Variants in SYCP1 observed in about 807,000 individuals in gnomAD.
The protein encoded by SYCP1 is synaptonemal complex protein 1.
A neutral mutation model predicts 153.1 loss-of-function variants in SYCP1; 64 were observed. The observed-to-expected ratio is 0.42, with a 90% confidence interval of 0.34 to 0.51. The LOEUF (loss-of-function observed/expected upper bound fraction) is 0.51, where lower values mean the gene tolerates loss of function less well. Among genes scored for constraint, SYCP1 ranks in the 20% least tolerant of loss-of-function variants. The probability of loss-of-function intolerance (pLI) is 0.06; values close to 1 mark genes in which losing one functional copy is unlikely to be tolerated. For missense variants in SYCP1, 997 were observed against 1,049.0 expected (o/e 0.95, Z 0.68); for synonymous variants, 384 against 341.8 (o/e 1.12, Z -1.36).
chr1:114,969,275 C>A (rs1672328884), intron 27 of SYCP1, among the ~76,000 whole-genome samples: 1 of 152,116 alleles, frequency 6.6e-6, no homozygotes, highest in Non-Finnish European at 1.5e-5. Flanking sequence ...TGAAGCTGCA[C>A]CCACAGGTGC....
chr1:114,866,541 T>C (rs761167859), intron 8 of SYCP1, among the ~76,000 whole-genome samples: 1 of 152,184 alleles, frequency 6.6e-6, no homozygotes, highest in Non-Finnish European at 1.5e-5. Flanking sequence ...TGTTTTCTTA[T>C]TGTTGAGTTT....
In SYCP1 at chr1:114,972,702, A is replaced by G. The variant is rs1355065068; in HGVS notation, c.2323-4855A>G. Reference sequence around the variant, plus strand: ...TATTGTTTAAATTCCATGTGATTTTATAGTTTCCAAAATTCCCTTTGTTAT... The same window carrying G: ...TATTGTTTAAATTCCATGTGATTTTGTAGTTTCCAAAATTCCCTTTGTTAT... On this transcript the variant is annotated intron_variant, in intron 27 of 31. Transcript: ENST00000369522. Among the ~76,000 whole-genome samples, 6 of 152,224 alleles carry G rather than the reference A, an allele frequency of 3.9e-5. No individual in the cohort carries two copies. The East Asian group carries it at 1.2e-3, about 29-fold the overall frequency.
At chr1:114,881,147 T>C (rs1665898416) in intron 12 of SYCP1, among the ~76,000 whole-genome samples, 1 of 152,010 alleles carries the variant, frequency 6.6e-6, no homozygotes, top group Non-Finnish European at 1.5e-5. Context: ...CATATTGCTA[T>C]TGTGAATAGT....
intron 1 of SYCP1, 56 bp from the exon 2 acceptor site, chr1:114,855,385 C>A (rs1663865521): frequency 1.9e-6 from 2 of 1,056,596 alleles, no homozygotes; most frequent in Non-Finnish European, 1.4e-6. Context: ...ATAGTGTATT[C>A]ATGACACTCG....
At chr1:114,921,700 G>A (rs766600768) in intron 20 of SYCP1, among the ~76,000 whole-genome samples, 1 of 151,420 alleles carries the variant, frequency 6.6e-6, no homozygotes, top group Non-Finnish European at 1.5e-5. Flanking sequence ...CAATTACAGT[G>A]TTATAATGTT....
intron 27 of SYCP1, among the ~76,000 whole-genome samples, chr1:114,955,338 G>A (rs1203236041): frequency 6.6e-6 from 1 of 151,940 alleles, no homozygotes; most frequent in African/African-American, 2.4e-5. Flanking sequence ...TTTTGTTGAG[G>A]ATTTAAAATA....
chr1:114,855,591 C>G lies in SYCP1; in HGVS notation c.108+19C>G, dbSNP rs754736934. On this transcript the variant is annotated intron_variant, in intron 2 of 31. Coordinates refer to ENST00000369522, the MANE Select transcript of SYCP1 (RefSeq NM_003176.4). ...CTTCAAGGTAAATTTCCATGTGACT[C>G]TTAATTGGACTCTTCTTAACTTTAG... 1.5e-5 allele frequency: 23 copies of G among 1,542,782 alleles called. No homozygotes were observed. The highest frequency in any genetic ancestry group is 2.1e-5 in the Non-Finnish European group (23 of 1,120,160).
intron 20 of SYCP1, among the ~76,000 whole-genome samples, chr1:114,916,071 G>A (rs1350913243): frequency 2.0e-5 from 3 of 152,110 alleles, no homozygotes. Context: ...TCCCATAGGT[G>A]TACCCACTCT....
Position 114,946,389 on chromosome 1 carries a change from A to G in SYCP1, c.2247+8A>G. 6.4e-7 allele frequency: 1 copy of G among 1,567,486 alleles called. No homozygotes were observed. The highest frequency in any genetic ancestry group is 2.4e-5 in the East Asian group (1 of 41,484). ...TCACTGAGAGCATCTTTGGTGAGAT[A>G]CAGAAAAAATTGCAGTAACGGCCAG... On this transcript the variant is annotated splice_region_variant and intron_variant, in intron 26 of 31. Coordinates refer to ENST00000369522, the MANE Select transcript of SYCP1 (RefSeq NM_003176.4).
In SYCP1 at chr1:114,857,160, G is replaced by GAAAAAAGAAAAAAAAAAA; in HGVS notation, c.194-71_194-54dup. 4 of 592,986 alleles carry GAAAAAAGAAAAAAAAAAA rather than the reference G, an allele frequency of 6.7e-6. No homozygotes were observed. The South Asian group carries it at 9.3e-5, about 14-fold the overall frequency. The allele number at this position is 592,986 out of a possible 1,614,324, so 36.7% of individuals were successfully genotyped here. A position where few individuals can be genotyped will look rare whatever the true frequency, so the allele number is the denominator to read the frequency against. On this transcript the variant is annotated intron_variant, in intron 3 of 31. Transcript: ENST00000369522. ...TCAAAAAAAAAAAAAAAAAAAAAGA[G>GAAAAAAGAAAAAAAAAAA]AAAAAAGAAAAAAAAAAAGAAAGAG...
intron 27 of SYCP1, among the ~76,000 whole-genome samples, chr1:114,962,586 G>A (rs577685860): frequency 1.3e-5 from 2 of 152,240 alleles, no homozygotes; most frequent in Admixed American, 6.5e-5. Context: ...CTTAAAGACA[G>A]CACATACTTG....
intron 11 of SYCP1, 151 bp from the exon 12 acceptor site, chr1:114,877,943 G>T: frequency 1.0e-5 from 5 of 501,710 alleles, no homozygotes; most frequent in African/African-American, 2.0e-5. Flanking sequence ...TGACTACATT[G>T]GCTGCCAGGG....
intron 8 of SYCP1, among the ~76,000 whole-genome samples, chr1:114,872,669 T>C (rs748553449): frequency 3.3e-5 from 5 of 152,200 alleles, no homozygotes; most frequent in Non-Finnish European, 5.9e-5. Context: ...ATACTTTTTG[T>C]AGTTGTCTCA....
At chr1:114,983,805 C>T (rs1263348502) in intron 29 of SYCP1, among the ~76,000 whole-genome samples, 1 of 151,988 alleles carries the variant, frequency 6.6e-6, no homozygotes, top group Admixed American at 6.6e-5. Context: ...CTGATTCCGA[C>T]AAGTTTTTAC....
chr1:114,984,032 T>C (rs1008609219), intron 29 of SYCP1, among the ~76,000 whole-genome samples: 1 of 152,038 alleles, frequency 6.6e-6, no homozygotes, highest in African/African-American at 2.4e-5. Flanking sequence ...CCTGAGTAGC[T>C]GAGGCTATAG....
At chr1:114,868,130 A>C (rs1243450186) in intron 8 of SYCP1, among the ~76,000 whole-genome samples, 1 of 148,270 alleles carries the variant, frequency 6.7e-6, no homozygotes, top group Non-Finnish European at 1.5e-5. Flanking sequence ...TTTTTTTTAT[A>C]CTTTTTTTTT....
At chr1:114,882,336 T>G (rs1156450208) in intron 12 of SYCP1, among the ~76,000 whole-genome samples, 1 of 152,246 alleles carries the variant, frequency 6.6e-6, no homozygotes, top group Non-Finnish European at 1.5e-5. Flanking sequence ...TTATCCTAAT[T>G]TCTTTTTACC....
At chr1:114,922,103 G>GAA in intron 20 of SYCP1, among the ~76,000 whole-genome samples, 1 of 152,212 alleles carries the variant, frequency 6.6e-6, no homozygotes, top group East Asian at 1.9e-4. Flanking sequence ...GTGCCTTAAG[G>GAA]AAGCCTTCTT....
At chr1:114,929,188 A>G (rs1264220252) in intron 23 of SYCP1, among the ~76,000 whole-genome samples, 1 of 152,160 alleles carries the variant, frequency 6.6e-6, no homozygotes, top group African/African-American at 2.4e-5. Context: ...ATTTTAGGGG[A>G]ATACAAATAT....
Sources: allele counts gnomAD v4.1 joint callset (sites outside exome capture counted in the v4.1 genomes callset), GRCh38; gene constraint gnomAD v4.1.1; transcripts MANE v1.5; gene names NCBI Gene and HGNC (gene_info 2026-07-23, HGNC 2026-07-21).